Variants in CNTNAP2 observed in about 807,000 individuals in gnomAD.
The protein encoded by CNTNAP2 is contactin associated protein 2.
CNTNAP2 carries 98 observed loss-of-function variants against 155.2 expected under a neutral mutation model. The ratio of observed to expected loss-of-function variants is 0.63; its 90% CI spans 0.54 to 0.75. The LOEUF (loss-of-function observed/expected upper bound fraction) is 0.75. Among genes scored for constraint, CNTNAP2 ranks in the 30% least tolerant of loss-of-function variants. The probability of loss-of-function intolerance (pLI) is 0.00; values close to 1 mark genes in which losing one functional copy is unlikely to be tolerated. For missense variants in CNTNAP2, 1,727 were observed against 1,688.1 expected, an observed-to-expected ratio of 1.02 and a Z score of -0.40; for synonymous variants, 651 against 631.2, an observed-to-expected ratio of 1.03 and a Z score of -0.47.
At chr7:146,231,386 A>T (rs924587900) in intron 1 of CNTNAP2, among the ~76,000 whole-genome samples, 5 of 152,120 alleles carry the variant, frequency 3.3e-5, no homozygotes, top group African/African-American at 9.7e-5. Flanking sequence ...CTTCTGCATC[A>T]ATCAGTCCTG....
At chr7:147,664,312 G>A (rs17327617) in intron 13 of CNTNAP2, among the ~76,000 whole-genome samples, 57,572 of 152,038 alleles carry the variant, frequency 0.38, 14,161 homozygotes, top group African/African-American at 0.69. Flanking sequence ...ATCTCTGGCT[G>A]ACAGGAAGAG....
chr7:146,516,530 T>C (rs1289476877), intron 1 of CNTNAP2, among the ~76,000 whole-genome samples: 3 of 152,040 alleles, frequency 2.0e-5, no homozygotes, highest in African/African-American at 4.8e-5. Flanking sequence ...TGAATTTTCA[T>C]ATGTTATAGT....
At chr7:147,277,248 A>G (rs1052202605) in intron 8 of CNTNAP2, among the ~76,000 whole-genome samples, 1 of 152,052 alleles carries the variant, frequency 6.6e-6, no homozygotes, top group Non-Finnish European at 1.5e-5. Context: ...AGGAACATTT[A>G]AGACTGTCTC....
At chr7:146,251,612 T>G (rs1013809246) in intron 1 of CNTNAP2, among the ~76,000 whole-genome samples, 1 of 152,220 alleles carries the variant, frequency 6.6e-6, no homozygotes, top group South Asian at 2.1e-4. Context: ...TAATTTTAAT[T>G]AAATTTATTA....
intron 8 of CNTNAP2, among the ~76,000 whole-genome samples, chr7:147,140,939 G>A (rs1443785199): frequency 1.3e-5 from 2 of 151,968 alleles, no homozygotes; most frequent in African/African-American, 2.4e-5. Flanking sequence ...ATGAGACTCC[G>A]GGGCCATCCA....
At chr7:146,970,300 C>T (rs1486537627) in intron 3 of CNTNAP2, among the ~76,000 whole-genome samples, 2 of 151,990 alleles carry the variant, frequency 1.3e-5, no homozygotes, top group Non-Finnish European at 2.9e-5. Flanking sequence ...AAAATTTTCA[C>T]AACCTACTCA....
At chr7:147,467,632 G>A (rs1584750768) in intron 10 of CNTNAP2, among the ~76,000 whole-genome samples, 1 of 152,252 alleles carries the variant, frequency 6.6e-6, no homozygotes, top group East Asian at 1.9e-4. Flanking sequence ...ACCATATATG[G>A]ATGTGAGACA....
intron 8 of CNTNAP2, among the ~76,000 whole-genome samples, chr7:147,283,404 A>G (rs1805095200): frequency 6.6e-6 from 1 of 151,834 alleles, no homozygotes. Context: ...GATTGCTTTT[A>G]GTTTCAATAA....
intron 21 of CNTNAP2, among the ~76,000 whole-genome samples, chr7:148,333,045 T>C (rs1798058141): frequency 6.6e-6 from 1 of 152,152 alleles, no homozygotes; most frequent in Non-Finnish European, 1.5e-5. Context: ...ACTCCTCCCC[T>C]GCCACTCTTA....
intron 1 of CNTNAP2, among the ~76,000 whole-genome samples, chr7:146,176,385 A>G (rs1426295635): frequency 6.6e-6 from 1 of 152,186 alleles, no homozygotes; most frequent in African/African-American, 2.4e-5. Flanking sequence ...AAAGGATAGT[A>G]AAAGGAAGAA....
chr7:147,815,115 A>G (rs2116612545), intron 13 of CNTNAP2, among the ~76,000 whole-genome samples: 1 of 152,308 alleles, frequency 6.6e-6, no homozygotes, highest in South Asian at 2.1e-4. Context: ...ATTAGAGAGT[A>G]TGATGCCCTT....
chr7:146,383,104 G>A (rs1440491024), intron 1 of CNTNAP2, among the ~76,000 whole-genome samples: 1 of 152,132 alleles, frequency 6.6e-6, no homozygotes, highest in Non-Finnish European at 1.5e-5. Context: ...TGGAAACAAT[G>A]TGAATCTGTG....
intron 2 of CNTNAP2, among the ~76,000 whole-genome samples, chr7:146,792,693 T>C (rs1471157735): frequency 6.6e-6 from 1 of 152,186 alleles, no homozygotes; most frequent in Non-Finnish European, 1.5e-5. Flanking sequence ...GACTCTGAGA[T>C]GGTGACATCA....
intron 1 of CNTNAP2, among the ~76,000 whole-genome samples, chr7:146,648,737 A>G (rs960985002): frequency 2.6e-5 from 4 of 152,128 alleles, no homozygotes; most frequent in African/African-American, 9.7e-5. Context: ...AAGACCTGAC[A>G]TAGCAAAAAG....
chr7:146,984,035 C>T (rs946869255), intron 3 of CNTNAP2, among the ~76,000 whole-genome samples: 1 of 152,168 alleles, frequency 6.6e-6, no homozygotes, highest in Middle Eastern at 3.4e-3. Flanking sequence ...GACCTACTGC[C>T]CTTCTTGTTC....
intron 13 of CNTNAP2, among the ~76,000 whole-genome samples, chr7:147,663,469 A>G (rs976984395): frequency 2.0e-5 from 3 of 152,236 alleles, no homozygotes; most frequent in Non-Finnish European, 4.4e-5. Context: ...GATAAGTAGA[A>G]TTGGTCAAAG....
chr7:148,277,787 G>GA (rs1383768426), intron 21 of CNTNAP2, among the ~76,000 whole-genome samples: 77 of 119,254 alleles, frequency 6.5e-4, no homozygotes, highest in African/African-American at 2.4e-3. Flanking sequence ...CATTAAGAAA[G>GA]AAAAAAGAAA....
At chr7:148,053,550 A>T (rs1399440665) in intron 15 of CNTNAP2, among the ~76,000 whole-genome samples, 1 of 152,182 alleles carries the variant, frequency 6.6e-6, no homozygotes, top group Non-Finnish European at 1.5e-5. Flanking sequence ...TTTTGTGAAA[A>T]CTTACGCTCA....
chr7:148,331,724 T>TCGATGGATGGAG (rs1563045945), intron 21 of CNTNAP2, among the ~76,000 whole-genome samples: 18 of 29,698 alleles, frequency 6.1e-4, no homozygotes, highest in Non-Finnish European at 1.0e-3. Context: ...GACGGATGGA[T>TCGATGGATGGAG]TGGATGGATG....
Sources: gnomAD v4.1 joint callset for allele counts (sites outside exome capture counted in the v4.1 genomes callset) on GRCh38, gnomAD v4.1.1 for gene constraint, MANE v1.5 for transcripts, NCBI Gene and HGNC (gene_info 2026-07-23, HGNC 2026-07-21) for gene names.